The following MAPKAPK3 variants were observed in gnomAD, a reference collection of about 807,000 sequenced individuals.
The protein encoded by MAPKAPK3 is MAP kinase-activated protein kinase 3.
A neutral mutation model predicts 49.2 loss-of-function variants in MAPKAPK3; 35 were observed. That is an observed-to-expected ratio of 0.71 (90% CI 0.54 to 0.94). MAPKAPK3 has a LOEUF of 0.94. Ranked by LOEUF, MAPKAPK3 falls within the 40% of genes least tolerant of loss-of-function variation. The pLI, the probability that MAPKAPK3 is intolerant of heterozygous loss-of-function variation, is 0.00. For missense variants in MAPKAPK3, 398 were observed against 493.1 expected, an observed-to-expected ratio of 0.81 and a Z score of 1.83; for synonymous variants, 178 against 188.7, an observed-to-expected ratio of 0.94 and a Z score of 0.46.
At chr3:50,638,590 C>T (rs1350845709) in intron 2 of MAPKAPK3, among the ~76,000 whole-genome samples, 1 of 152,170 alleles carries the variant, frequency 6.6e-6, no homozygotes, top group Middle Eastern at 3.2e-3. Flanking sequence ...GCCCCTGGCT[C>T]TCTGTATTCC....
intron 2 of MAPKAPK3, among the ~76,000 whole-genome samples, chr3:50,633,420 A>G (rs2032962443): frequency 6.6e-6 from 1 of 151,510 alleles, no homozygotes; most frequent in South Asian, 2.1e-4. Context: ...GCACACATTC[A>G]TGTTCCCATG....
At chr3:50,644,368 G>T in intron 5 of MAPKAPK3, 41 bp from the exon 6 acceptor site, 1 of 1,611,486 alleles carries the variant, frequency 6.2e-7, no homozygotes, top group Non-Finnish European at 8.5e-7. Context: ...GCTCCTGCCT[G>T]GTTCCTAACT....
At chr3:50,634,738 G>A (rs1467293017) in intron 2 of MAPKAPK3, among the ~76,000 whole-genome samples, 3 of 152,144 alleles carry the variant, frequency 2.0e-5, no homozygotes, top group Non-Finnish European at 2.9e-5. Context: ...TGATCCTCCC[G>A]CCTCGGTCTC....
At chr3:50,632,764 TG>T in intron 2 of MAPKAPK3, among the ~76,000 whole-genome samples, 1 of 152,324 alleles carries the variant, frequency 6.6e-6, no homozygotes, top group Middle Eastern at 3.4e-3. Context: ...GTATGGAGGT[TG>T]GGGTTTGGCT....
In MAPKAPK3 at chr3:50,636,889, G is replaced by A. The variant is rs572447956; in HGVS notation, c.220-3477G>A. On this transcript the variant is annotated intron_variant, in intron 2 of 10. Transcript: ENST00000621469. ...CCAGGCTGAGGGCTCTGGCTCCTGT[G>A]ATGTACTCTGCAGAGAGGCCAGTGG... Among the ~76,000 whole-genome samples the A allele has an allele frequency of 1.4e-4, 22 of 152,164 alleles. 1 individual carries two copies. The South Asian group carries it at 4.6e-3, about 32-fold the overall frequency.
At chr3:50,638,552 G>T (rs1019058884) in intron 2 of MAPKAPK3, among the ~76,000 whole-genome samples, 1 of 152,192 alleles carries the variant, frequency 6.6e-6, no homozygotes, top group South Asian at 2.1e-4. Context: ...ATGGAGCAGG[G>T]GCACAGAGCT....
chr3:50,623,393 G>A (rs990522981), intron 2 of MAPKAPK3, among the ~76,000 whole-genome samples: 1 of 152,300 alleles, frequency 6.6e-6, no homozygotes, highest in South Asian at 2.1e-4. Flanking sequence ...GAGATGGTTC[G>A]TACCGTGCCT....
At position 50,625,008 on chromosome 3, in the gene MAPKAPK3, A is replaced by G. The variant is rs754326270; in HGVS notation, c.219+7224A>G. Among the ~76,000 whole-genome samples the G allele has an allele frequency of 3.9e-5, 6 of 152,258 alleles. No individual in the cohort carries two copies. In the East Asian group the frequency reaches 7.7e-4, roughly 20 times the overall value. ...TGTGTGGTCCCAGATGAAAGGCCCC[A>G]TCTTGGGGTTGAGAGAGGAACAGTG... On this transcript the variant is annotated intron_variant, in intron 2 of 10. Coordinates refer to ENST00000621469, the MANE Select transcript of MAPKAPK3 (RefSeq NM_001243925.2).
intron 2 of MAPKAPK3, among the ~76,000 whole-genome samples, chr3:50,625,203 C>G (rs1202283447): frequency 1.3e-5 from 2 of 152,194 alleles, no homozygotes. Context: ...TCCCTGCATT[C>G]ATGCTATGAG....
chr3:50,616,374 G>A (rs964209620), upstream of MAPKAPK3, among the ~76,000 whole-genome samples: 5 of 152,204 alleles, frequency 3.3e-5, no homozygotes, highest in African/African-American at 9.6e-5. Flanking sequence ...CTCAAAATAC[G>A]TAAGGTAGTC....
At chr3:50,634,155 T>C (rs1360753183) in intron 2 of MAPKAPK3, among the ~76,000 whole-genome samples, 1 of 152,186 alleles carries the variant, frequency 6.6e-6, no homozygotes, top group African/African-American at 2.4e-5. Context: ...CTGAGGCCTG[T>C]GGTCACTCGC....
chr3:50,646,959 G>T, intron 9 of MAPKAPK3, 134 bp downstream of exon 9: 2 of 1,033,744 alleles, frequency 1.9e-6, no homozygotes, highest in South Asian at 1.4e-5. Flanking sequence ...AGATACTAGG[G>T]CCTCACCTAC....
intron 2 of MAPKAPK3, among the ~76,000 whole-genome samples, chr3:50,623,284 C>T (rs2032653352): frequency 1.3e-5 from 2 of 152,194 alleles, no homozygotes. Flanking sequence ...GTGTTAACTG[C>T]CAGGGATGAG....
chr3:50,624,291 G>C (rs936357565), intron 2 of MAPKAPK3, among the ~76,000 whole-genome samples: 6 of 152,136 alleles, frequency 3.9e-5, no homozygotes, highest in African/African-American at 1.4e-4. Context: ...GTGTGTGTGT[G>C]TGTGTGTATG....
At chr3:50,613,592 T>C (rs2032393069), upstream of MAPKAPK3, among the ~76,000 whole-genome samples, 2 of 152,206 alleles carry the variant, frequency 1.3e-5, no homozygotes, top group South Asian at 4.1e-4. Context: ...ACAAAAGGAC[T>C]TTGCCGCTGC....
At chr3:50,626,733 G>A (rs151026266) in intron 2 of MAPKAPK3, among the ~76,000 whole-genome samples, 8 of 152,252 alleles carry the variant, frequency 5.3e-5, no homozygotes, top group South Asian at 2.1e-4. Flanking sequence ...GGATTATCAC[G>A]CCCATGCCAT....
chr3:50,615,364 A>T (rs946430701), upstream of MAPKAPK3, among the ~76,000 whole-genome samples: 1 of 152,170 alleles, frequency 6.6e-6, no homozygotes, highest in Non-Finnish European at 1.5e-5. Flanking sequence ...TGTTATATGC[A>T]TGTGTGTTTA....
At chr3:50,628,338 A>G (rs2032812677) in intron 2 of MAPKAPK3, among the ~76,000 whole-genome samples, 1 of 152,178 alleles carries the variant, frequency 6.6e-6, no homozygotes, top group Non-Finnish European at 1.5e-5. Context: ...ACAACTGGCC[A>G]GTTGGGGGCA....
At chr3:50,647,774 T>G in intron 10 of MAPKAPK3, 120 bp from the exon 11 acceptor site, 1 of 941,430 alleles carries the variant, frequency 1.1e-6, no homozygotes, top group Non-Finnish European at 1.6e-6. Flanking sequence ...GGGCACACAG[T>G]GGGCACAGAG....
Sources: gnomAD v4.1 joint callset for allele counts (sites outside exome capture counted in the v4.1 genomes callset) on GRCh38, gnomAD v4.1.1 for gene constraint, MANE v1.5 for transcripts, NCBI Gene and HGNC (gene_info 2026-07-23, HGNC 2026-07-21) for gene names.